MCMBP: variants seen among roughly 807,000 people sequenced by gnomAD.
The protein encoded by MCMBP is minichromosome maintenance complex binding protein.
Under a neutral mutation model 81.3 loss-of-function variants are expected in MCMBP, and 31 were observed. The ratio of observed to expected loss-of-function variants is 0.38; its 90% CI spans 0.29 to 0.51. The LOEUF is 0.51. Among genes scored for constraint, MCMBP ranks in the 20% least tolerant of loss-of-function variants. The pLI, the probability that MCMBP is intolerant of heterozygous loss-of-function variation, is 0.87. For synonymous variants in MCMBP, 267 were observed against 275.9 expected, an observed-to-expected ratio of 0.97 and a Z score of 0.32; for missense variants, 645 against 772.1, an observed-to-expected ratio of 0.84 and a Z score of 1.95.
At chr10:119,863,929 A>G (rs1442905016) in intron 1 of MCMBP, among the ~76,000 whole-genome samples, 1 of 152,072 alleles carries the variant, frequency 6.6e-6, no homozygotes, top group Non-Finnish European at 1.5e-5. Context: ...TGATGTTCTA[A>G]TCCCCAGAAC....
intron 14 of MCMBP, among the ~76,000 whole-genome samples, chr10:119,834,032 G>A (rs1267023036): frequency 6.6e-6 from 1 of 152,116 alleles, no homozygotes; most frequent in Non-Finnish European, 1.5e-5. Flanking sequence ...ACTGAGATTA[G>A]TCTAAGAAAC....
At chr10:119,865,586 A>G (rs1268237547) in intron 1 of MCMBP, among the ~76,000 whole-genome samples, 1 of 152,222 alleles carries the variant, frequency 6.6e-6, no homozygotes. Flanking sequence ...TAAAATTATC[A>G]TATGACCTTG....
At chr10:119,871,142 T>G (rs1025630294) in intron 1 of MCMBP, among the ~76,000 whole-genome samples, 1 of 152,216 alleles carries the variant, frequency 6.6e-6, no homozygotes, top group Non-Finnish European at 1.5e-5. Flanking sequence ...CTTTTTACTT[T>G]GGAGGGATTT....
chr10:119,832,088 C>A lies in MCMBP; in HGVS notation c.1720G>T (p.Asp574Tyr). 1 of 1,612,396 alleles carries A rather than the reference C, an allele frequency of 6.2e-7. No homozygotes were observed. The highest frequency in any genetic ancestry group is 8.5e-7 in the Non-Finnish European group (1 of 1,179,612). ...TCGTTCTTCCGCATTTCCACAAAGT[C>A]ATCTTCAACTGCCTTTATCAAAAGA... ...SDEITKAVED[D>Y]FVEMRKNDPQ... Residue 574 changes from aspartate (D) to tyrosine (Y), a missense_variant, in exon 15 of 16, where the codon GAC (aspartate) becomes TAC (tyrosine). Asp to Tyr is a radical substitution (Grantham distance 160). Coordinates refer to ENST00000369077, the MANE Select transcript of MCMBP (RefSeq NM_001256378.2).
chr10:119,853,508 C>A (rs1189627538), intron 5 of MCMBP, among the ~76,000 whole-genome samples: 1 of 152,172 alleles, frequency 6.6e-6, no homozygotes, highest in Non-Finnish European at 1.5e-5. Flanking sequence ...TCCAAATTCT[C>A]CCAGCTCTCT....
At chr10:119,870,950 C>G (rs946249435) in intron 1 of MCMBP, among the ~76,000 whole-genome samples, 1 of 152,168 alleles carries the variant, frequency 6.6e-6, no homozygotes, top group Non-Finnish European at 1.5e-5. Context: ...CCTTCCTGTA[C>G]TATGATGAGA....
chr10:119,847,007 G>C (rs1852640595), intron 8 of MCMBP, among the ~76,000 whole-genome samples: 1 of 152,138 alleles, frequency 6.6e-6, no homozygotes, highest in Non-Finnish European at 1.5e-5. Flanking sequence ...GTAAAGGTAT[G>C]AGTTAACAAT....
intron 10 of MCMBP, among the ~76,000 whole-genome samples, chr10:119,841,985 TAGG>T (rs1034558267): frequency 1.3e-5 from 2 of 152,022 alleles, no homozygotes; most frequent in African/African-American, 4.8e-5. Context: ...GGCCACAACA[TAGG>T]AGGTGAGGGG....
At chr10:119,866,391 C>T (rs573969593) in intron 1 of MCMBP, among the ~76,000 whole-genome samples, 103 of 152,198 alleles carry the variant, frequency 6.8e-4, no homozygotes, top group African/African-American at 2.4e-3. Context: ...TTTGGGAGGC[C>T]GAGGCGTGTG....
intron 11 of MCMBP, among the ~76,000 whole-genome samples, chr10:119,840,025 T>C (rs1852381240): frequency 6.6e-6 from 1 of 152,260 alleles, no homozygotes; most frequent in African/African-American, 2.4e-5. Context: ...CTAATCATTT[T>C]TGGCTTGGGA....
chr10:119,853,909 A>C (rs1852926204), intron 5 of MCMBP, among the ~76,000 whole-genome samples: 1 of 152,210 alleles, frequency 6.6e-6, no homozygotes, highest in Non-Finnish European at 1.5e-5. Flanking sequence ...ACCACCCCTA[A>C]CAAATCCCAG....
intron 1 of MCMBP, among the ~76,000 whole-genome samples, chr10:119,867,623 A>G (rs1283716999): frequency 6.6e-6 from 1 of 152,162 alleles, no homozygotes; most frequent in Non-Finnish European, 1.5e-5. Flanking sequence ...GATGCTAGCT[A>G]GCGTGGGTTG....
chr10:119,831,392 A>G lies in MCMBP; in HGVS notation c.*82T>C. The G allele has an allele frequency of 2.0e-6, 3 of 1,534,650 alleles. No individual in the cohort carries two copies. Among genetic ancestry groups the G allele is most frequent in the Non-Finnish European group, 2.7e-6 (3 of 1,123,758 alleles). On this transcript the variant is annotated 3_prime_UTR_variant, in exon 16 of 16. Coordinates refer to ENST00000369077, the MANE Select transcript of MCMBP (RefSeq NM_001256378.2). Reference sequence around the variant, plus strand: ...GGTTTGTGATAGAAATTACCTATAAAACAATGTGGTATAAATGAATATCTG... The same window carrying G: ...GGTTTGTGATAGAAATTACCTATAAGACAATGTGGTATAAATGAATATCTG...
intron 14 of MCMBP, among the ~76,000 whole-genome samples, chr10:119,833,499 AAAG>A (rs1240655395): frequency 2.0e-5 from 3 of 151,904 alleles, no homozygotes; most frequent in Non-Finnish European, 4.4e-5. Flanking sequence ...AAAGAAAAAA[AAAG>A]AAAAGAAAAA....
chr10:119,838,297 A>G (rs1228342984), intron 12 of MCMBP, among the ~76,000 whole-genome samples: 1 of 145,908 alleles, frequency 6.9e-6, no homozygotes, highest in East Asian at 1.9e-4. Flanking sequence ...ATTATATAAG[A>G]TATATTATAT....
At chr10:119,854,783 C>G (rs1314023505) in intron 5 of MCMBP, among the ~76,000 whole-genome samples, 1 of 151,156 alleles carries the variant, frequency 6.6e-6, no homozygotes, top group Non-Finnish European at 1.5e-5. Flanking sequence ...ATGGTGAAAC[C>G]CCGTCTCGAC....
At chr10:119,846,752 T>G (rs769100780) in intron 8 of MCMBP, among the ~76,000 whole-genome samples, 2 of 152,144 alleles carry the variant, frequency 1.3e-5, no homozygotes, top group Non-Finnish European at 2.9e-5. Context: ...TGGCTTACAC[T>G]CTTCAAAAGC....
At chr10:119,860,683 G>T (rs541736182) in intron 1 of MCMBP, among the ~76,000 whole-genome samples, 20 of 152,228 alleles carry the variant, frequency 1.3e-4, no homozygotes, top group Admixed American at 9.8e-4. Context: ...GAATAGTTCT[G>T]CAAACTTTAT....
chr10:119,869,472 T>G (rs549148012), intron 1 of MCMBP, among the ~76,000 whole-genome samples: 1 of 151,924 alleles, frequency 6.6e-6, no homozygotes, highest in South Asian at 2.1e-4. Flanking sequence ...CTCAGGGGGC[T>G]GAGGCAGGAG....
Sources: gnomAD v4.1 joint callset for allele counts (sites outside exome capture counted in the v4.1 genomes callset) on GRCh38, gnomAD v4.1.1 for gene constraint, MANE v1.5 for transcripts, NCBI Gene and HGNC (gene_info 2026-07-23, HGNC 2026-07-21) for gene names.